The following CCDC88C variants were observed in gnomAD, a reference collection of about 807,000 sequenced individuals.
The protein encoded by CCDC88C is protein Daple.
A neutral mutation model predicts 198.8 loss-of-function variants in CCDC88C; 131 were observed. The ratio of observed to expected loss-of-function variants is 0.66; its 90% CI spans 0.57 to 0.76. The LOEUF is 0.76. CCDC88C is among the 30% of genes least tolerant of loss of function. The probability of loss-of-function intolerance (pLI) is 0.00; values close to 1 mark genes in which losing one functional copy is unlikely to be tolerated. For missense variants in CCDC88C, 2,553 were observed against 2,631.6 expected, an observed-to-expected ratio of 0.97 and a Z score of 0.65; for synonymous variants, 1,166 against 1,114.7, an observed-to-expected ratio of 1.05 and a Z score of -0.92.
chr14:91,373,971 G>C (rs185701708), intron 3 of CCDC88C, among the ~76,000 whole-genome samples: 2 of 152,116 alleles, frequency 1.3e-5, no homozygotes, highest in African/African-American at 2.4e-5. Context: ...CCCCTCTCTC[G>C]TGTCCCTGCC....
At chr14:91,326,571 A>T (rs1321471829) in intron 10 of CCDC88C, among the ~76,000 whole-genome samples, 1 of 152,212 alleles carries the variant, frequency 6.6e-6, no homozygotes, top group Non-Finnish European at 1.5e-5. Context: ...TAAGAAAAAA[A>T]AATCCATGAA....
At chr14:91,296,680 C>T (rs1158249527) in intron 22 of CCDC88C, among the ~76,000 whole-genome samples, 4 of 152,222 alleles carry the variant, frequency 2.6e-5, no homozygotes, top group Non-Finnish European at 4.4e-5. Flanking sequence ...CAAAAGGCGT[C>T]TGAGACTGTT....
At chr14:91,285,531 A>G in intron 25 of CCDC88C, 1 of 696,204 alleles carries the variant, frequency 1.4e-6, no homozygotes, top group Non-Finnish European at 2.1e-6. Flanking sequence ...CACGCTGGCT[A>G]CTTTAAGCTT....
chr14:91,346,771 C>T (rs750817592), intron 4 of CCDC88C, among the ~76,000 whole-genome samples: 1 of 152,056 alleles, frequency 6.6e-6, no homozygotes, highest in Non-Finnish European at 1.5e-5. Flanking sequence ...TGGTGGCACG[C>T]GTCTGTAATC....
intron 4 of CCDC88C, among the ~76,000 whole-genome samples, chr14:91,355,712 G>A (rs776819543): frequency 6.6e-6 from 1 of 151,732 alleles, no homozygotes; most frequent in Non-Finnish European, 1.5e-5. Flanking sequence ...AGGATAGGAA[G>A]AGAGTGAACA....
chr14:91,374,921 CT>C (rs1452229969), intron 3 of CCDC88C, among the ~76,000 whole-genome samples: 2 of 152,218 alleles, frequency 1.3e-5, no homozygotes, highest in African/African-American at 2.4e-5. Context: ...TCAATGGTGC[CT>C]GTCAGAGCCA....
At chr14:91,394,324 C>T (rs1198782405) in intron 3 of CCDC88C, among the ~76,000 whole-genome samples, 1 of 152,218 alleles carries the variant, frequency 6.6e-6, no homozygotes, top group Non-Finnish European at 1.5e-5. Flanking sequence ...CTGCATTGCA[C>T]CTCCATACCG....
intron 10 of CCDC88C, among the ~76,000 whole-genome samples, chr14:91,336,826 A>G (rs1025276350): frequency 6.5e-4 from 99 of 152,346 alleles, no homozygotes; most frequent in African/African-American, 2.4e-3. Context: ...CAGAGCCTCC[A>G]GGGCCCGGCT....
intron 27 of CCDC88C, among the ~76,000 whole-genome samples, chr14:91,280,423 G>T (rs1250777455): frequency 6.6e-6 from 1 of 152,166 alleles, no homozygotes; most frequent in Non-Finnish European, 1.5e-5. Context: ...ATAGCGAATA[G>T]CCTAAAAACA....
Position 91,371,455 on chromosome 14 carries a change from C to G in CCDC88C, c.271-11744G>C, listed in dbSNP as rs919947712. Among the ~76,000 whole-genome samples the G allele has an allele frequency of 6.6e-6, 1 of 152,026 alleles. No homozygotes were observed. The highest frequency in any genetic ancestry group is 2.4e-5 in the African/African-American group (1 of 41,378). On this transcript the variant is annotated intron_variant, in intron 3 of 29. Coordinates refer to ENST00000389857, the MANE Select transcript of CCDC88C (RefSeq NM_001080414.4). The surrounding 1 kb of genome is among the most constrained non-coding windows in gnomAD (Gnocchi z 4.2). ...GGAGGAGCCATGTGCTGTCCAGGCC[C>G]AGCCAACCTCACCCGCCGGTGGCAG...
At chr14:91,321,348 C>T (rs1248569595) in intron 12 of CCDC88C, 44 bp from the exon 13 acceptor site, 3 of 1,531,740 alleles carry the variant, frequency 2.0e-6, no homozygotes, top group Non-Finnish European at 2.6e-6. Flanking sequence ...TGTGGGCCTC[C>T]ACTTCCACTC....
chr14:91,304,581 C>T (rs898951755), intron 19 of CCDC88C, among the ~76,000 whole-genome samples: 3 of 151,436 alleles, frequency 2.0e-5, no homozygotes, highest in Non-Finnish European at 3.0e-5. Flanking sequence ...AGAGTGAAAC[C>T]CTGTCTCTTA....
rs375516520 is a variant in CCDC88C, at chr14:91,340,057, C to A, written c.484-33G>T. ...CACACATGGCAGGGCACTGCAGGGG[C>A]GGCAGAGACGGGCGCCCACTTCCCT... On this transcript the variant is annotated intron_variant, in intron 6 of 29. Transcript: ENST00000389857. 15 of 1,603,086 alleles carry A rather than the reference C, an allele frequency of 9.4e-6. No homozygotes were observed. The East Asian group carries it at 3.1e-4, about 34-fold the overall frequency.
rs1052774610 is a variant in CCDC88C at position 91,273,355 on chromosome 14, G to A, written c.5357C>T (p.Pro1786Leu). ...SLSLGRPRQA[P>L]VPPASHAPAS... The stretch of plus-strand genomic sequence containing the variant: ...AGGTGCATGGGAAGCTGGGGGCACC[G>A]GAGCCTGCCGGGGTCTGCCCAGAGA... The change falls in exon 30 of 30, where the codon CCG becomes CTG. Residue 1786 changes from proline (P) to leucine (L), a missense_variant. Pro to Leu is a moderately conservative substitution (Grantham distance 98, BLOSUM62 -3). Transcript: ENST00000389857. This position sits in a 1 kb window ranked among gnomAD's most constrained non-coding sequence, Gnocchi z 5.6. The A allele has an allele frequency of 8.5e-6, 13 of 1,535,562 alleles. No individual in the cohort carries two copies. Among genetic ancestry groups the A allele is most frequent in the African/African-American group, 5.5e-5 (4 of 73,064 alleles).
intron 4 of CCDC88C, among the ~76,000 whole-genome samples, chr14:91,356,017 C>A (rs1894025685): frequency 6.6e-6 from 1 of 152,096 alleles, no homozygotes; most frequent in Admixed American, 6.5e-5. Flanking sequence ...GCCCCTCACA[C>A]ACGACGGGGA....
At position 91,309,999 on chromosome 14, in the gene CCDC88C, G is replaced by A. The variant is rs368542431; in HGVS notation, c.2737-13C>T. On this transcript the variant is annotated splice_polypyrimidine_tract_variant and intron_variant, in intron 15 of 29. Transcript: ENST00000389857. ...CGAGCACCAGGTCCTGGAATGATGGGGAGAGAGCACTGGATAGGAGCTCAG... is the reference window on the plus strand; with the variant it reads ...CGAGCACCAGGTCCTGGAATGATGGAGAGAGAGCACTGGATAGGAGCTCAG... The A allele has an allele frequency of 2.0e-5, 32 of 1,582,582 alleles. No homozygotes were observed. The highest frequency in any genetic ancestry group is 2.5e-5 in the Non-Finnish European group (29 of 1,163,844).
chr14:91,417,355 G>C (rs1887118910), intron 1 of CCDC88C: 3 of 602,252 alleles, frequency 5.0e-6, no homozygotes, highest in African/African-American at 1.9e-5. Context: ...AGCCAGCCTA[G>C]AGCCCCAGCG....
chr14:91,377,306 T>C lies in CCDC88C; in HGVS notation c.271-17595A>G, dbSNP rs114185230. Among the ~76,000 whole-genome samples, 1,517 of 152,258 alleles carry C rather than the reference T, an allele frequency of 1.0e-2. 31 individuals are homozygous for C. Among genetic ancestry groups the C allele is most frequent in the African/African-American group, 0.035 (1,461 of 41,534 alleles). On this transcript the variant is annotated intron_variant, in intron 3 of 29. Transcript: ENST00000389857. Reference sequence around the variant, plus strand: ...CTCTTCCACCGCGGAGCTCCCAGCCTGAGGCCTGCTGTGAAGATGACAGTT... The same window carrying C: ...CTCTTCCACCGCGGAGCTCCCAGCCCGAGGCCTGCTGTGAAGATGACAGTT...
intron 3 of CCDC88C, among the ~76,000 whole-genome samples, chr14:91,382,325 C>T (rs891416093): frequency 6.6e-6 from 1 of 152,156 alleles, no homozygotes; most frequent in African/African-American, 2.4e-5. Flanking sequence ...TCTGCCACTC[C>T]CTGGACCAGG....
Sources: allele counts gnomAD v4.1 joint callset (sites outside exome capture counted in the v4.1 genomes callset), GRCh38; gene constraint gnomAD v4.1.1; non-coding constraint Gnocchi (gnomAD v3.1); transcripts MANE v1.5; gene names NCBI Gene and HGNC (gene_info 2026-07-23, HGNC 2026-07-21).